The following CDCA7L variants were observed in gnomAD, a reference collection of about 807,000 sequenced individuals.
The protein encoded by CDCA7L is cell division cycle-associated 7-like protein.
A neutral mutation model predicts 57.4 loss-of-function variants in CDCA7L; 44 were observed. The observed-to-expected ratio is 0.77, with a 90% CI of 0.60 to 0.98. The LOEUF is 0.98. Ranked by LOEUF, CDCA7L falls within the 50% of genes least tolerant of loss-of-function variation. The pLI is 0.00. For missense variants in CDCA7L, 644 were observed against 580.6 expected, an observed-to-expected ratio of 1.11 and a Z score of -1.12; for synonymous variants, 236 against 202.8, an observed-to-expected ratio of 1.16 and a Z score of -1.39.
Position 21,927,428 on chromosome 7 carries a change from G to T in CDCA7L, c.25-10534C>A, listed in dbSNP as rs370596998. Among the ~76,000 whole-genome samples, 11 of 152,318 alleles carry T rather than the reference G, an allele frequency of 7.2e-5. No homozygotes were observed. The East Asian group carries it at 1.9e-3, about 27-fold the overall frequency. On this transcript the variant is annotated intron_variant, in intron 1 of 9. Transcript: ENST00000406877. ...CAGATTTGAGGAGGCAGGCAAATCA[G>T]CAAATCTGAAGATAATGCATTTGAA...
chr7:21,928,343 G>A (rs997407766), intron 1 of CDCA7L, among the ~76,000 whole-genome samples: 4 of 152,138 alleles, frequency 2.6e-5, no homozygotes, highest in Non-Finnish European at 5.9e-5. Context: ...CCACGAAGAT[G>A]AGGAAAAACC....
At position 21,908,479 on chromosome 7, in the gene CDCA7L, C is replaced by T. The variant is rs745803542; in HGVS notation, c.332G>A (p.Gly111Asp). The T allele has an allele frequency of 6.5e-7, 1 of 1,540,188 alleles. No individual in the cohort carries two copies. Among genetic ancestry groups the T allele is most frequent in the Non-Finnish European group, 8.7e-7 (1 of 1,150,318 alleles). ...TTCCTCGCTCACCAAAGATGCTTTG[C>T]CATCATCACTCAAATCTGACTCCAC... ...MVVESDLSDD[G>D]KASLVSEEEE... is the part of the protein sequence containing the mutation. The change falls in exon 4 of 10, where the codon GGC becomes GAC. Residue 111 changes from glycine to aspartate, a missense_variant. Transcript: ENST00000406877.
intron 3 of CDCA7L, among the ~76,000 whole-genome samples, chr7:21,910,433 C>G (rs1330078905): frequency 6.6e-6 from 1 of 152,166 alleles, no homozygotes. Flanking sequence ...CTTTTATGCT[C>G]TACATTCTCT....
chr7:21,914,150 C>G (rs565792125), intron 2 of CDCA7L, among the ~76,000 whole-genome samples: 2 of 152,134 alleles, frequency 1.3e-5, no homozygotes, highest in African/African-American at 4.8e-5. Context: ...AGAAACAGAC[C>G]AGAGAGCAAT....
chr7:21,941,262 TAGAC>T (rs1194836054), intron 1 of CDCA7L, among the ~76,000 whole-genome samples: 7 of 152,044 alleles, frequency 4.6e-5, no homozygotes, highest in Admixed American at 6.5e-5. Context: ...CTAGAAACAC[TAGAC>T]AGTCACTAAA....
intron 1 of CDCA7L, among the ~76,000 whole-genome samples, chr7:21,919,094 A>G (rs1785578771): frequency 6.6e-6 from 1 of 152,152 alleles, no homozygotes; most frequent in Non-Finnish European, 1.5e-5. Flanking sequence ...CTGGGATTAC[A>G]GGCATGAGCC....
chr7:21,902,300 G>C lies in CDCA7L; in HGVS notation c.*22C>G. ...TGTTGGAGTACTCTATGGTGAGGTG[G>C]CTGGTTCTGTTTGTTTTCCTCTTAA... On this transcript the variant is annotated 3_prime_UTR_variant, in exon 10 of 10. Transcript: ENST00000406877. 1 of 1,610,888 alleles carries C rather than the reference G, an allele frequency of 6.2e-7. No homozygotes were observed. Among genetic ancestry groups the C allele is most frequent in the Non-Finnish European group, 8.5e-7 (1 of 1,177,112 alleles).
chr7:21,925,687 C>CA (rs1785803107), intron 1 of CDCA7L, among the ~76,000 whole-genome samples: 1 of 151,986 alleles, frequency 6.6e-6, no homozygotes, highest in African/African-American at 2.4e-5. Context: ...CCTAGGAGTT[C>CA]AAGACTAGCC....
At chr7:21,904,401 A>G in intron 7 of CDCA7L, 142 bp from the exon 8 acceptor site, 1 of 892,526 alleles carries the variant, frequency 1.1e-6, no homozygotes, top group Non-Finnish European at 1.6e-6. Flanking sequence ...CCTAAGAACC[A>G]CAGCATTGTC....
chr7:21,914,511 G>A lies in CDCA7L; in HGVS notation c.165+2243C>T, dbSNP rs114257062. ...AGTAGCATAACTGGATGTGAGCCAC[G>A]GTAGAGGCTAGAAAAATGGTGAGAG... On this transcript the variant is annotated intron_variant, in intron 2 of 9. Coordinates refer to ENST00000406877, the MANE Select transcript of CDCA7L (RefSeq NM_018719.5). Among the ~76,000 whole-genome samples, 522 of 152,304 alleles carry A rather than the reference G, an allele frequency of 3.4e-3. 2 individuals carry two copies. The highest frequency in any genetic ancestry group is 0.01 in the Middle Eastern group (3 of 294).
chr7:21,945,239 T>C (rs568919660), intron 1 of CDCA7L, among the ~76,000 whole-genome samples: 1 of 152,158 alleles, frequency 6.6e-6, no homozygotes, highest in Non-Finnish European at 1.5e-5. Context: ...CCAATGACGT[T>C]ACCATTTCCC....
chr7:21,905,786 C>A (rs2128057486), intron 6 of CDCA7L, 155 bp from the exon 7 acceptor site: 1 of 768,212 alleles, frequency 1.3e-6, no homozygotes, highest in East Asian at 2.9e-5. Context: ...TTACTGAGCT[C>A]CTGCCACCTG....
At chr7:21,931,339 G>C (rs1786007324) in intron 1 of CDCA7L, among the ~76,000 whole-genome samples, 1 of 152,172 alleles carries the variant, frequency 6.6e-6, no homozygotes, top group East Asian at 1.9e-4. Context: ...GAAAATTTCA[G>C]ACCAGTATCC....
intron 1 of CDCA7L, among the ~76,000 whole-genome samples, chr7:21,935,225 T>C (rs1326992181): frequency 6.6e-5 from 10 of 151,972 alleles, no homozygotes; most frequent in Admixed American, 6.6e-4. Context: ...TAGAAATCAG[T>C]AACAGAAGGA....
chr7:21,933,196 G>C (rs531900561), intron 1 of CDCA7L, among the ~76,000 whole-genome samples: 2 of 152,308 alleles, frequency 1.3e-5, no homozygotes, highest in East Asian at 3.9e-4. Context: ...CTTTTACACT[G>C]TTGGTGGGAG....
intron 8 of CDCA7L, 51 bp from the exon 9 acceptor site, chr7:21,903,165 CAAGAACTGGG>C: frequency 6.4e-7 from 1 of 1,571,064 alleles, no homozygotes; most frequent in South Asian, 1.2e-5. Context: ...CAGGGTCTGG[CAAGAACTGGG>C]ATTCGGATCC....
chr7:21,901,721 T>C lies in CDCA7L; in HGVS notation c.*601A>G, dbSNP rs1363169309. The C allele has an allele frequency of 6.4e-6, 1 of 156,096 alleles. No homozygotes were observed. Among genetic ancestry groups the C allele is most frequent in the African/African-American group, 2.4e-5 (1 of 41,282 alleles). 9.7% of individuals were successfully genotyped at this position (156,096 alleles called of 1,614,324 possible). On this transcript the variant is annotated 3_prime_UTR_variant, in exon 10 of 10. Transcript: ENST00000406877. Reference sequence around the variant, plus strand: ...AAATATAAAAGCAGCAGGCCCCAGGTGAGTCCTGAAGGAAGAGGCTAGCAC... The same window carrying C: ...AAATATAAAAGCAGCAGGCCCCAGGCGAGTCCTGAAGGAAGAGGCTAGCAC...
chr7:21,929,552 A>C (rs1785938059), intron 1 of CDCA7L, among the ~76,000 whole-genome samples: 1 of 147,072 alleles, frequency 6.8e-6, no homozygotes, highest in Non-Finnish European at 1.5e-5. Context: ...TGCTGTATTC[A>C]GGAGACCCAT....
chr7:21,910,599 A>AT (rs1024092387), intron 3 of CDCA7L, among the ~76,000 whole-genome samples: 1 of 152,206 alleles, frequency 6.6e-6, no homozygotes, highest in African/African-American at 2.4e-5. Flanking sequence ...TAGCATGTTT[A>AT]TTTTTTGCAT....
Sources: gnomAD v4.1 joint callset for allele counts (sites outside exome capture counted in the v4.1 genomes callset) on GRCh38, gnomAD v4.1.1 for gene constraint, MANE v1.5 for transcripts, NCBI Gene and HGNC (gene_info 2026-07-23, HGNC 2026-07-21) for gene names.